Variants in ANO8 observed in about 807,000 individuals in gnomAD.
The protein encoded by ANO8 is anoctamin-8.
A neutral mutation model predicts 120.4 loss-of-function variants in ANO8; 67 were observed. That is an observed-to-expected ratio of 0.56 (90% CI 0.46 to 0.68). ANO8 has a LOEUF of 0.68. Ranked by LOEUF, ANO8 falls within the 30% of genes least tolerant of loss-of-function variation. ANO8 has a pLI of 0.00. For missense variants in ANO8, 1,526 were observed against 1,737.6 expected (o/e 0.88, Z 2.16); for synonymous variants, 727 against 759.2 (o/e 0.96, Z 0.70).
At position 17,333,136 on chromosome 19, in the gene ANO8, T is replaced by C; in HGVS notation, c.454A>G (p.Asn152Asp). 1 of 1,614,016 alleles carries C rather than the reference T, an allele frequency of 6.2e-7. No individual in the cohort carries two copies. Among genetic ancestry groups the C allele is most frequent in the South Asian group, 1.1e-5 (1 of 91,078 alleles). ...AAGAAGCGTAGCTCGCTCTCCACAT[T>C]CTCATAGATAAAGTCCTCCTCGCAG... ...FSCEEDFIYE[N>D]VESELRFFTS... The change falls in exon 4 of 18, where the codon AAT (asparagine) becomes GAT (aspartate). Residue 152 changes from asparagine to aspartate, a missense_variant. This residue lies in a region of ANO8 where 322 missense variants were observed against 431.8 expected (regional missense o/e 0.75). Transcript: ENST00000159087. This position sits in a 1 kb window ranked among gnomAD's most constrained non-coding sequence, Gnocchi z 7.2.
In ANO8 at chr19:17,325,094, T is replaced by C; in HGVS notation, c.2954A>G (p.Gln985Arg). ...VMKLKQIIPL[Q>R]GKFLSSGATS... ...GGCCCCTGACGAGAGGAATTTGCCC[T>C]GCAGTGGGATGATCTGCTTCAACTT... is the stretch of plus-strand genomic sequence containing the variant. The change falls in exon 17 of 18, where the codon CAG becomes CGG. Residue 985 changes from glutamine to arginine, a missense_variant. By Grantham distance (43) the Gln-to-Arg change is conservative (BLOSUM62 1). Transcript: ENST00000159087. 1 of 1,613,646 alleles carries C rather than the reference T, an allele frequency of 6.2e-7. No homozygotes were observed. The highest frequency in any genetic ancestry group is 8.5e-7 in the Non-Finnish European group (1 of 1,179,920).
At chr19:17,328,047 C>T (rs1389449218) in intron 13 of ANO8, 115 bp downstream of exon 13, 2 of 1,361,416 alleles carry the variant, frequency 1.5e-6, no homozygotes, top group African/African-American at 2.9e-5. Context: ...CCTGCAGCAT[C>T]CCAACATCAA....
In ANO8 at chr19:17,323,389, G is replaced by A. The variant is rs753062351; in HGVS notation, c.*128C>T. ...TTTCCTTTCGTTTGGAAAGGAAAAC[G>A]GCAGATGGGGGGCACCGACCAATAC... On this transcript the variant is annotated 3_prime_UTR_variant, in exon 18 of 18. Coordinates refer to ENST00000159087, the MANE Select transcript of ANO8 (RefSeq NM_020959.3). The A allele has an allele frequency of 4.8e-6, 4 of 834,310 alleles. No homozygotes were observed. The highest frequency in any genetic ancestry group is 3.3e-5 in the East Asian group (1 of 30,724). 51.7% of individuals were successfully genotyped at this position (834,310 alleles called of 1,614,324 possible). A position where few individuals can be genotyped will look rare whatever the true frequency, so the allele number is the denominator to read the frequency against.
rs1374372410 is a variant in ANO8 at position 17,331,400 on chromosome 19, C to G, written c.598G>C (p.Ala200Pro). The G allele has an allele frequency of 5.6e-6, 9 of 1,613,626 alleles. No individual in the cohort carries two copies. The highest frequency in any genetic ancestry group is 7.6e-6 in the Non-Finnish European group (9 of 1,179,966). Residue 200 changes from alanine (A) to proline (P), a missense_variant, in exon 6 of 18, where the codon GCA becomes CCA. By Grantham distance (27) the Ala-to-Pro change is conservative (BLOSUM62 -1). This residue lies in a region of ANO8 where 322 missense variants were observed against 431.8 expected (regional missense o/e 0.75). Transcript: ENST00000159087. ...LEDQPIIPELAARGIIQQVFP... is the reference protein window; with the variant it reads ...LEDQPIIPELPARGIIQQVFP... ...ACCTGCTGGATGATCCCACGTGCTG[C>G]CAGCTCCGGGACTGTGGAGGGAGGA... is the stretch of plus-strand genomic sequence containing the variant.
Position 17,333,007 on chromosome 19 carries a change from CG to C in ANO8, c.508del (p.Arg170AlafsTer48). 6.2e-7 allele frequency: 1 copy of C among 1,614,136 alleles called. No homozygotes were observed. The highest frequency in any genetic ancestry group is 8.5e-7 in the Non-Finnish European group (1 of 1,180,040). On this transcript the variant is annotated frameshift_variant, in exon 5 of 18. Transcript: ENST00000159087. LOFTEE classifies it high-confidence loss of function. This position sits in a 1 kb window ranked among gnomAD's most constrained non-coding sequence, Gnocchi z 7.2. ...FTSQERQSII[R>X]FWLQNLRAKQ... ...GGCACGCAAATTCTGCAGCCAGAAG[CG>C]GATGATGCTCTGGCGTTCCTGCGAG...
chr19:17,327,129 G>A, intron 16 of ANO8, 106 bp downstream of exon 16: 1 of 972,324 alleles, frequency 1.0e-6, no homozygotes, highest in Non-Finnish European at 1.5e-6. Flanking sequence ...ACCCAGCTCT[G>A]TGCAGTCTCT....
chr19:17,334,849 T>G lies in ANO8; in HGVS notation c.-179A>C. 6.1e-6 allele frequency: 8 copies of G among 1,315,672 alleles called. No individual in the cohort carries two copies. In the South Asian group the frequency reaches 1.3e-4, roughly 21 times the overall value. The allele number at this position is 1,315,672 out of a possible 1,614,324, so 81.5% of individuals were successfully genotyped here. A position where few individuals can be genotyped will look rare whatever the true frequency, so the allele number is the denominator to read the frequency against. Reference sequence around the variant, plus strand: ...TTCTCGTCCCCGCCCGAGCCGAACCTCGATTCTCCTTCCCGGCCCGATGCA... The same window carrying G: ...TTCTCGTCCCCGCCCGAGCCGAACCGCGATTCTCCTTCCCGGCCCGATGCA... On this transcript the variant is annotated 5_prime_UTR_variant, in exon 1 of 18. Transcript: ENST00000159087.
At chr19:17,327,598 G>C (rs1280404018) in intron 14 of ANO8, 29 bp from the exon 15 acceptor site, 1 of 1,611,710 alleles carries the variant, frequency 6.2e-7, no homozygotes, top group Non-Finnish European at 8.5e-7. Flanking sequence ...GCTCAGGCGG[G>C]GTCCAGCCGG....
At chr19:17,329,520 A>C in intron 12 of ANO8, 1 of 567,260 alleles carries the variant, frequency 1.8e-6, no homozygotes, top group Admixed American at 3.1e-5. Context: ...AGGCTCTGGG[A>C]CAGGGACAGG....
At position 17,331,144 on chromosome 19, in the gene ANO8, T is replaced by G; in HGVS notation, c.775A>C (p.Met259Leu). ...GACCCGAAGACAGCTGGGTATACCA[T>G]AGCCGACGTGTAGAAGCCCAGCCAG... The part of the protein sequence containing the change: ...FAWLGFYTSA[M>L]VYPAVFGSVL... Residue 259 changes from methionine (M) to leucine (L), a missense_variant, in exon 7 of 18, where the codon ATG becomes CTG. Physicochemically the swap from Met to Leu is conservative, Grantham distance 15. Around this residue, in one of 8 missense-constraint regions of ANO8, gnomAD observed 322 missense variants for 431.8 expected, o/e 0.75. Transcript: ENST00000159087. The G allele has an allele frequency of 6.2e-7, 1 of 1,614,200 alleles. No individual in the cohort carries two copies. The highest frequency in any genetic ancestry group is 8.5e-7 in the Non-Finnish European group (1 of 1,180,032).
chr19:17,323,805 C>T lies in ANO8; in HGVS notation c.3411G>A (p.Pro1137=). 8.7e-7 allele frequency: 1 copy of T among 1,146,480 alleles called. No homozygotes were observed. Among genetic ancestry groups the T allele is most frequent in the Non-Finnish European group, 1.1e-6 (1 of 932,978 alleles). The allele number at this position is 1,146,480 out of a possible 1,614,324, so 71.0% of individuals were successfully genotyped here. The change falls in exon 18 of 18, where the codon CCG becomes CCA. Residue 1137 remains proline, a synonymous_variant. Coordinates refer to ENST00000159087, the MANE Select transcript of ANO8 (RefSeq NM_020959.3). ...CGGGCGGTGTCGGGGGCCGGGGCAGCGGCATTGGCGGCGGCGGCGCGGGGC... is the reference window on the plus strand; with the variant it reads ...CGGGCGGTGTCGGGGGCCGGGGCAGTGGCATTGGCGGCGGCGGCGCGGGGC... The part of the protein sequence containing the change: ...SRSPAPPPPM[P]LPRPPTPPAG...
chr19:17,332,644 G>T (rs117419016), intron 5 of ANO8, among the ~76,000 whole-genome samples: 2 of 151,918 alleles, frequency 1.3e-5, no homozygotes, highest in South Asian at 4.1e-4. Context: ...CCAAAGCCTC[G>T]CCCCCTCAGC....
At chr19:17,330,587 C>A in intron 8 of ANO8, 83 bp from the exon 9 acceptor site, 1 of 1,446,100 alleles carries the variant, frequency 6.9e-7, no homozygotes. Context: ...CCTCAGAACT[C>A]AATTTCCCTC....
At chr19:17,327,921 G>A (rs952957018) in intron 13 of ANO8, 41 bp from the exon 14 acceptor site, 2 of 1,594,254 alleles carry the variant, frequency 1.3e-6, no homozygotes, top group African/African-American at 1.3e-5. Context: ...CCTCTTCCCT[G>A]GGACAATCTT....
chr19:17,331,954 T>TTTTTTTG (rs2074322177), intron 5 of ANO8, among the ~76,000 whole-genome samples: 3 of 106,504 alleles, frequency 2.8e-5, no homozygotes, highest in Non-Finnish European at 5.6e-5. Flanking sequence ...TTTTTTTTTT[T>TTTTTTTG]AGACGGGGTC....
chr19:17,328,121 G>GGCGAGGCCCCACCCCCT, intron 13 of ANO8, 41 bp downstream of exon 13: 1 of 1,436,414 alleles, frequency 7.0e-7, no homozygotes, highest in South Asian at 1.4e-5. Flanking sequence ...TCCCGTCCCC[G>GGCGAGGCCCCACCCCCT]GCGAGGCCCC....
intron 15 of ANO8, 25 bp downstream of exon 15, chr19:17,327,413 C>A (rs1285639869): frequency 6.3e-7 from 1 of 1,582,310 alleles, no homozygotes; most frequent in Admixed American, 1.8e-5. Flanking sequence ...CTCCCAGCTG[C>A]CCCCGCCCCT....
Position 17,327,263 on chromosome 19 carries a change from A to T in ANO8, c.2633T>A (p.Leu878Gln), listed in dbSNP as rs1047043926. Residue 878 changes from leucine (L) to glutamine (Q), a missense_variant, in exon 16 of 18, where the codon CTG becomes CAG. Physicochemically the swap from Leu to Gln is moderately radical, Grantham distance 113 (BLOSUM62 -2). Transcript: ENST00000159087. ...PGWVAEEMAK[L>Q]EYQRREAFKR... is the part of the protein sequence containing the mutation. ...AAAGGCCTCGCGGCGCTGGTACTCC[A>T]GCTTGGCCATTTCCTCGGCCACCCA... 6.5e-6 allele frequency: 10 copies of T among 1,548,328 alleles called. No homozygotes were observed. In the Admixed American group the frequency reaches 1.2e-4, roughly 18 times the overall value.
At chr19:17,329,411 T>C in intron 12 of ANO8, 1 of 386,884 alleles carries the variant, frequency 2.6e-6, no homozygotes, top group East Asian at 5.0e-5. Context: ...TGCCCGTACT[T>C]TGGCCCGGGC....
Sources: allele counts gnomAD v4.1 joint callset (sites outside exome capture counted in the v4.1 genomes callset), GRCh38; gene constraint gnomAD v4.1.1; regional missense constraint gnomAD v4.1.1; non-coding constraint Gnocchi (gnomAD v3.1); transcripts MANE v1.5; gene names NCBI Gene and HGNC (gene_info 2026-07-23, HGNC 2026-07-21).